DYNC2H1: variants seen among roughly 807,000 people sequenced by gnomAD.
DYNC2H1 encodes the protein dynein cytoplasmic 2 heavy chain 1.
DYNC2H1 carries 410 observed loss-of-function variants against 570.0 expected under a neutral mutation model. That is an observed-to-expected ratio of 0.72 (90% CI 0.66 to 0.78). The LOEUF (loss-of-function observed/expected upper bound fraction) is 0.78. Among genes scored for constraint, DYNC2H1 ranks in the 30% least tolerant of loss-of-function variants. DYNC2H1 has a pLI of 0.00. For missense variants in DYNC2H1, 4,865 were observed against 5,046.4 expected (o/e 0.96, Z 1.09); for synonymous variants, 1,688 against 1,677.6 (o/e 1.01, Z -0.15).
At chr11:103,173,722 A>C (rs1439822802) in intron 35 of DYNC2H1, among the ~76,000 whole-genome samples, 1 of 152,106 alleles carries the variant, frequency 6.6e-6, no homozygotes, top group East Asian at 1.9e-4. Context: ...ATATCACTTA[A>C]GAGATAATGG....
Position 103,479,712 on chromosome 11 carries a change from TTA to T in DYNC2H1, c.*462_*463del, listed in dbSNP as rs1945681269. On this transcript the variant is annotated 3_prime_UTR_variant, in exon 89 of 89. Coordinates refer to ENST00000375735, the MANE Select transcript of DYNC2H1 (RefSeq NM_001377.3). ...TATAAAAGTATCAACATGAATATAA[TTA>T]TACTATGCTAATTATAATATACAAA... 6.6e-6 allele frequency: 1 copy of T among 152,024 alleles called. No homozygotes were observed. Among genetic ancestry groups the T allele is most frequent in the Non-Finnish European group, 1.5e-5 (1 of 68,046 alleles). The allele number at this position is 152,024 out of a possible 1,614,324, so 9.4% of individuals were successfully genotyped here.
In DYNC2H1 at chr11:103,129,696, A is replaced by G. The variant is rs1043994648; in HGVS notation, c.1953+691A>G. Among the ~76,000 whole-genome samples, 2 of 152,112 alleles carry G rather than the reference A, an allele frequency of 1.3e-5. No homozygotes were observed. The highest frequency in any genetic ancestry group is 1.9e-4 in the East Asian group (1 of 5,192). On this transcript the variant is annotated intron_variant, in intron 13 of 88. Coordinates refer to ENST00000375735, the MANE Select transcript of DYNC2H1 (RefSeq NM_001377.3). The surrounding 1 kb of genome is among the most constrained non-coding windows in gnomAD (Gnocchi z 4.1). ...GACTCCATCTCAAAAAAAAAGAAAA[A>G]AAAGAAAGAAAAAGAAATTAGGAAA...
intron 84 of DYNC2H1, among the ~76,000 whole-genome samples, chr11:103,425,961 T>C (rs1943655176): frequency 9.8e-6 from 1 of 101,936 alleles, no homozygotes; most frequent in Admixed American, 9.9e-5. Flanking sequence ...ACAAAATCTC[T>C]GCCAGCACTG....
intron 47 of DYNC2H1, among the ~76,000 whole-genome samples, chr11:103,192,577 T>C (rs1376255787): frequency 1.3e-5 from 2 of 152,182 alleles, no homozygotes. Context: ...TGAAGATCAT[T>C]GGGAAAATTC....
At chr11:103,350,412 T>G (rs566956981) in intron 82 of DYNC2H1, among the ~76,000 whole-genome samples, 1 of 152,308 alleles carries the variant, frequency 6.6e-6, no homozygotes, top group East Asian at 1.9e-4. Context: ...TTTATTTGTC[T>G]TCTTGGGATA....
rs1938377487 is a variant in DYNC2H1, at chr11:103,324,659, G to A, written c.12039+669G>A. On this transcript the variant is annotated intron_variant, in intron 82 of 88. Coordinates refer to ENST00000375735, the MANE Select transcript of DYNC2H1 (RefSeq NM_001377.3). This position sits in a 1 kb window ranked among gnomAD's most constrained non-coding sequence, Gnocchi z 5.2. ...CCATATCTTTGCTATTGTGGGTAGT[G>A]CTGCAGTGAACATTCATGTGCATAT... is the stretch of plus-strand genomic sequence containing the variant. Among the ~76,000 whole-genome samples, 1 of 152,168 alleles carries A rather than the reference G, an allele frequency of 6.6e-6. No homozygotes were observed. The highest frequency in any genetic ancestry group is 1.5e-5 in the Non-Finnish European group (1 of 68,032).
chr11:103,150,059 T>C (rs1243346573), intron 20 of DYNC2H1, among the ~76,000 whole-genome samples: 1 of 152,138 alleles, frequency 6.6e-6, no homozygotes, highest in African/African-American at 2.4e-5. Flanking sequence ...ATGTAAACAG[T>C]ATCAAGAGAG....
intron 80 of DYNC2H1, 44 bp from the exon 81 acceptor site, chr11:103,320,985 A>G: frequency 6.9e-7 from 1 of 1,441,030 alleles, no homozygotes; most frequent in Non-Finnish European, 9.5e-7. Context: ...AATTTAGTTA[A>G]TATTTTAGAA....
At chr11:103,270,603 G>C (rs765110199) in intron 70 of DYNC2H1, among the ~76,000 whole-genome samples, 1 of 126,876 alleles carries the variant, frequency 7.9e-6, no homozygotes, top group Non-Finnish European at 1.8e-5. Context: ...TCTCTCTCTC[G>C]AACTATCTTA....
rs757575911 is a variant in DYNC2H1 at position 103,173,267 on chromosome 11, A to G, written c.5520A>G (p.Val1840=). 1.3e-5 allele frequency: 20 copies of G among 1,587,358 alleles called. No homozygotes were observed. Among genetic ancestry groups the G allele is most frequent in the Non-Finnish European group, 1.5e-5 (18 of 1,168,476 alleles). The change falls in exon 35 of 89, where the codon GTA becomes GTG. Residue 1840 remains valine, a synonymous_variant. Coordinates refer to ENST00000375735, the MANE Select transcript of DYNC2H1 (RefSeq NM_001377.3). The stretch of plus-strand genomic sequence containing the variant: ...CGGAAGGCTTTAAAGACGCTAAAGT[A>G]TTGAGCAGAAAATTGGTAGCTATTT... The part of the protein sequence containing the change: ...LYSEGFKDAK[V]LSRKLVAIFN...
At chr11:103,139,207 A>G (rs1425129740) in intron 17 of DYNC2H1, among the ~76,000 whole-genome samples, 2 of 151,590 alleles carry the variant, frequency 1.3e-5, no homozygotes, top group South Asian at 2.1e-4. Flanking sequence ...TTGTGTCTCT[A>G]TTTCCTTCAG....
At chr11:103,385,541 G>C (rs934788161) in intron 83 of DYNC2H1, among the ~76,000 whole-genome samples, 2 of 151,908 alleles carry the variant, frequency 1.3e-5, no homozygotes, top group African/African-American at 4.8e-5. Flanking sequence ...CTAGTTTATT[G>C]GTCTGATCAG....
rs1565493303 is a variant in DYNC2H1 at position 103,321,154 on chromosome 11, T to C, written c.11851T>C (p.Ser3951Pro). 1 of 1,612,118 alleles carries C rather than the reference T, an allele frequency of 6.2e-7. No homozygotes were observed. Among genetic ancestry groups the C allele is most frequent in the Admixed American group, 1.7e-5 (1 of 59,820 alleles). Reference protein sequence around the residue: ...QSYLKQFFNSSVIDVFNQRNK... With the variant: ...QSYLKQFFNSPVIDVFNQRNK... ...ATACCTGAAGCAGTTTTTTAATTCTTCAGTTATTGATGTATTCAACCAAAG... is the reference window on the plus strand; with the variant it reads ...ATACCTGAAGCAGTTTTTTAATTCTCCAGTTATTGATGTATTCAACCAAAG... Residue 3951 changes from serine to proline, a missense_variant, in exon 81 of 89, where the codon TCA becomes CCA. This residue lies in a region of DYNC2H1 where 2,401 missense variants were observed against 2,454.6 expected (regional missense o/e 0.98). Coordinates refer to ENST00000375735, the MANE Select transcript of DYNC2H1 (RefSeq NM_001377.3).
At chr11:103,417,123 A>G (rs376833010) in intron 84 of DYNC2H1, among the ~76,000 whole-genome samples, 1 of 152,196 alleles carries the variant, frequency 6.6e-6, no homozygotes, top group South Asian at 2.1e-4. Context: ...CTTTGTCGCC[A>G]GGCTGGAGTA....
chr11:103,138,043 T>C (rs1859674323), intron 17 of DYNC2H1, among the ~76,000 whole-genome samples: 1 of 150,720 alleles, frequency 6.6e-6, no homozygotes, highest in South Asian at 2.1e-4. Flanking sequence ...GTTATTGGTG[T>C]ATAAGAATGC....
chr11:103,380,223 A>T (rs954285607), intron 83 of DYNC2H1, among the ~76,000 whole-genome samples: 5 of 152,220 alleles, frequency 3.3e-5, no homozygotes, highest in African/African-American at 1.2e-4. Flanking sequence ...TAAACAGTCG[A>T]GATAACTCAC....
chr11:103,353,914 C>T (rs1223969240), intron 82 of DYNC2H1, among the ~76,000 whole-genome samples: 2 of 151,908 alleles, frequency 1.3e-5, no homozygotes, highest in Non-Finnish European at 2.9e-5. Flanking sequence ...TGCGGTGGCT[C>T]ACACCTGTAA....
At chr11:103,113,831 TCTTAA>T (rs1265770794) in intron 2 of DYNC2H1, 124 bp downstream of exon 2, 13 of 920,598 alleles carry the variant, frequency 1.4e-5, no homozygotes, top group Non-Finnish European at 1.9e-5. Context: ...AAATATCTTT[TCTTAA>T]CTTTTTTTAA....
At chr11:103,365,719 CT>C (rs2135543424) in intron 83 of DYNC2H1, among the ~76,000 whole-genome samples, 1 of 152,258 alleles carries the variant, frequency 6.6e-6, no homozygotes, top group East Asian at 1.9e-4. Context: ...TCTCTTTCCC[CT>C]TCAAAAGGTT....
Sources: gnomAD v4.1 joint callset for allele counts (sites outside exome capture counted in the v4.1 genomes callset) on GRCh38, gnomAD v4.1.1 for gene constraint, gnomAD v4.1.1 regional missense constraint, Gnocchi (gnomAD v3.1) non-coding constraint, MANE v1.5 for transcripts, NCBI Gene and HGNC (gene_info 2026-07-23, HGNC 2026-07-21) for gene names.